C8orf34: variants seen among roughly 807,000 people sequenced by gnomAD.
C8orf34 encodes uncharacterized protein C8orf34.
C8orf34 carries 65 observed loss-of-function variants against 68.3 expected under a neutral mutation model. The observed-to-expected ratio is 0.95, with a 90% CI of 0.78 to 1.17. The LOEUF is 1.17. C8orf34 is among the 50% of genes most tolerant of loss of function. The probability of loss-of-function intolerance (pLI) is 0.00; values close to 1 mark genes in which losing one functional copy is unlikely to be tolerated. For missense variants in C8orf34, 664 were observed against 655.4 expected (o/e 1.01, Z -0.14); for synonymous variants, 244 against 241.2 (o/e 1.01, Z -0.11).
At chr8:68,617,541 T>C (rs1353879562) in intron 7 of C8orf34, among the ~76,000 whole-genome samples, 1 of 152,208 alleles carries the variant, frequency 6.6e-6, no homozygotes. Context: ...CCTTCACTTA[T>C]GAAGCTTAGT....
intron 5 of C8orf34, among the ~76,000 whole-genome samples, chr8:68,516,717 T>C (rs1375798101): frequency 6.6e-6 from 1 of 152,126 alleles, no homozygotes; most frequent in Non-Finnish European, 1.5e-5. Context: ...CTTGGCTCAT[T>C]GCAACCTCCT....
At chr8:68,661,838 T>C (rs902935175) in intron 8 of C8orf34, among the ~76,000 whole-genome samples, 6 of 152,110 alleles carry the variant, frequency 3.9e-5, no homozygotes, top group African/African-American at 1.4e-4. Flanking sequence ...GCAAGCTGGC[T>C]AATTCCTTTC....
At chr8:68,499,671 G>C (rs1813681752) in intron 5 of C8orf34, among the ~76,000 whole-genome samples, 1 of 152,150 alleles carries the variant, frequency 6.6e-6, no homozygotes, top group African/African-American at 2.4e-5. Flanking sequence ...TTCCCCAGAA[G>C]ATACTTGTTA....
intron 1 of C8orf34, among the ~76,000 whole-genome samples, chr8:68,412,495 T>C (rs1809486264): frequency 6.6e-6 from 1 of 152,132 alleles, no homozygotes; most frequent in South Asian, 2.1e-4. Context: ...TCCTCATTTT[T>C]ACTTTTCTCT....
chr8:68,635,745 T>A (rs1306880643), intron 7 of C8orf34, among the ~76,000 whole-genome samples: 1 of 152,220 alleles, frequency 6.6e-6, no homozygotes, highest in African/African-American at 2.4e-5. Flanking sequence ...CTGTACAGTA[T>A]GCCTTTGAGC....
chr8:68,544,562 A>G (rs889652386), intron 7 of C8orf34, among the ~76,000 whole-genome samples: 1 of 152,186 alleles, frequency 6.6e-6, no homozygotes, highest in African/African-American at 2.4e-5. Flanking sequence ...AGTAAACAAT[A>G]GAAACAGACC....
chr8:68,791,957 G>A (rs1246052999), intron 12 of C8orf34: 1 of 152,218 alleles, frequency 6.6e-6, no homozygotes, highest in Admixed American at 6.5e-5. Context: ...CAAACTCTCA[G>A]CTCTGTACTT....
intron 7 of C8orf34, among the ~76,000 whole-genome samples, chr8:68,542,148 G>C (rs556760660): frequency 2.8e-4 from 42 of 152,208 alleles, no homozygotes; most frequent in Middle Eastern, 6.8e-3. Flanking sequence ...AGATGGTATT[G>C]GGCTTGTAGA....
intron 11 of C8orf34, among the ~76,000 whole-genome samples, chr8:68,780,648 C>T: frequency 6.6e-6 from 1 of 151,984 alleles, no homozygotes; most frequent in South Asian, 2.1e-4. Flanking sequence ...TGGATTTTGG[C>T]CCAGCTCATG....
At chr8:68,431,571 T>C (rs534732504) in intron 1 of C8orf34, among the ~76,000 whole-genome samples, 2 of 152,332 alleles carry the variant, frequency 1.3e-5, no homozygotes, top group South Asian at 4.1e-4. Context: ...CCGTAGGATA[T>C]GCTAATTTCT....
intron 12 of C8orf34, among the ~76,000 whole-genome samples, chr8:68,815,153 GC>G (rs752150619): frequency 4.7e-4 from 72 of 152,090 alleles, no homozygotes; most frequent in Non-Finnish European, 8.7e-4. Context: ...TATTTCATCT[GC>G]TTTCACCCTC....
At chr8:68,436,086 T>A (rs1810654186) in intron 1 of C8orf34, among the ~76,000 whole-genome samples, 1 of 152,122 alleles carries the variant, frequency 6.6e-6, no homozygotes, top group African/African-American at 2.4e-5. Flanking sequence ...TGCACACCTG[T>A]AGTCCCAGGT....
chr8:68,615,215 T>C (rs1818165382), intron 7 of C8orf34, among the ~76,000 whole-genome samples: 1 of 149,710 alleles, frequency 6.7e-6, no homozygotes, highest in African/African-American at 2.5e-5. Context: ...TTTCTAGATA[T>C]ACAATCATGT....
At chr8:68,769,019 A>C (rs1357311392) in intron 10 of C8orf34, among the ~76,000 whole-genome samples, 2 of 152,126 alleles carry the variant, frequency 1.3e-5, no homozygotes, top group Non-Finnish European at 2.9e-5. Context: ...AGATCCTTAA[A>C]AGACATTTTT....
intron 2 of C8orf34, among the ~76,000 whole-genome samples, chr8:68,444,015 A>T (rs944124845): frequency 6.6e-6 from 1 of 152,074 alleles, no homozygotes; most frequent in African/African-American, 2.4e-5. Context: ...AAAATCTATT[A>T]TGTGTAAGTT....
At chr8:68,629,574 G>C (rs1818629931) in intron 7 of C8orf34, among the ~76,000 whole-genome samples, 1 of 152,036 alleles carries the variant, frequency 6.6e-6, no homozygotes, top group South Asian at 2.1e-4. Flanking sequence ...TAATTTATCA[G>C]ATGATCAATT....
intron 1 of C8orf34, among the ~76,000 whole-genome samples, chr8:68,436,426 G>A (rs7839506): frequency 0.018 from 2,716 of 152,202 alleles, 100 homozygotes; most frequent in African/African-American, 0.06. Context: ...ACAGAGTATC[G>A]TATTAAAATT....
intron 8 of C8orf34, among the ~76,000 whole-genome samples, chr8:68,661,572 G>T (rs767426742): frequency 1.3e-5 from 2 of 152,164 alleles, no homozygotes; most frequent in African/African-American, 4.8e-5. Context: ...GCAGGCTGCC[G>T]GTTGCCCCCT....
intron 7 of C8orf34, among the ~76,000 whole-genome samples, chr8:68,610,108 T>C (rs1159643897): frequency 1.3e-5 from 2 of 152,230 alleles, no homozygotes; most frequent in African/African-American, 4.8e-5. Flanking sequence ...TGCAGCAGTA[T>C]ACTTATGTAA....
Sources: allele counts gnomAD v4.1 joint callset (sites outside exome capture counted in the v4.1 genomes callset), GRCh38; gene constraint gnomAD v4.1.1; transcripts MANE v1.5; gene names NCBI Gene and HGNC (gene_info 2026-07-23, HGNC 2026-07-21).